Variants in CNKSR2 observed in about 807,000 individuals in gnomAD.
CNKSR2 encodes connector enhancer of kinase suppressor of Ras 2.
A neutral mutation model predicts 84.4 loss-of-function variants in CNKSR2; 14 were observed. The ratio of observed to expected loss-of-function variants is 0.17; its 90% confidence interval spans 0.11 to 0.26. The LOEUF is 0.26. Among genes scored for constraint, CNKSR2 ranks in the 10% least tolerant of loss-of-function variants. The probability of loss-of-function intolerance (pLI) is 1.00; values close to 1 mark genes in which losing one functional copy is unlikely to be tolerated. For synonymous variants in CNKSR2, 275 were observed against 277.9 expected, an observed-to-expected ratio of 0.99 and a Z score of 0.10; for missense variants, 485 against 771.2, an observed-to-expected ratio of 0.63 and a Z score of 4.40.
chrX:21,583,192 A>C (rs1329629690), intron 13 of CNKSR2, among the ~76,000 whole-genome samples: 6 of 111,613 alleles, frequency 5.4e-5, no homozygotes, highest in Non-Finnish European at 1.1e-4. Context: ...TCCCACTCTA[A>C]TGAAAGACCT....
intron 13 of CNKSR2, among the ~76,000 whole-genome samples, chrX:21,567,380 A>C (rs1224532588): frequency 8.9e-6 from 1 of 111,855 alleles, no homozygotes; most frequent in Non-Finnish European, 1.9e-5. Flanking sequence ...ATAAGCTCTC[A>C]ATAAAAATGT....
intron 19 of CNKSR2, among the ~76,000 whole-genome samples, chrX:21,608,467 T>C (rs938690177): frequency 8.9e-6 from 1 of 111,925 alleles, no homozygotes; most frequent in Admixed American, 9.5e-5. Context: ...TTATGTGCCC[T>C]GCAGTATCTA....
intron 13 of CNKSR2, 134 bp downstream of exon 13, chrX:21,563,586 C>T (rs1040887395): frequency 2.8e-5 from 13 of 460,018 alleles, no homozygotes; most frequent in Admixed American, 4.7e-5. Context: ...AAAGTTTATG[C>T]CCTTAAAAAA....
intron 10 of CNKSR2, 139 bp from the exon 11 acceptor site, chrX:21,531,717 G>T (rs112053228): frequency 1.6e-4 from 62 of 380,593 alleles, no homozygotes; most frequent in African/African-American, 8.6e-4. Context: ...ATTACAAATT[G>T]CCCTGTAAAT....
At chrX:21,424,106 C>A (rs1309871582) in intron 1 of CNKSR2, 1 of 111,345 alleles carries the variant, frequency 9.0e-6, no homozygotes, top group African/African-American at 3.3e-5. Flanking sequence ...TCTCACTGAG[C>A]TTTAATTTCT....
At chrX:21,559,699 G>A (rs776393161) in intron 11 of CNKSR2, among the ~76,000 whole-genome samples, 62 of 111,311 alleles carry the variant, frequency 5.6e-4, no homozygotes, top group African/African-American at 1.9e-3. Flanking sequence ...TTACTTCCTT[G>A]ACTACCTATC....
intron 1 of CNKSR2, among the ~76,000 whole-genome samples, chrX:21,411,759 A>G (rs2090349005): frequency 9.0e-6 from 1 of 111,115 alleles, no homozygotes; most frequent in Non-Finnish European, 1.9e-5. Flanking sequence ...CTGGAGCACC[A>G]TGCCAGGTAC....
chrX:21,500,417 A>G (rs967341606), intron 7 of CNKSR2, among the ~76,000 whole-genome samples: 2 of 111,386 alleles, frequency 1.8e-5, no homozygotes, highest in Non-Finnish European at 3.8e-5. Flanking sequence ...TACTTTGCAG[A>G]TTACATTACC....
At chrX:21,551,756 C>T (rs1344575331) in intron 11 of CNKSR2, among the ~76,000 whole-genome samples, 1 of 111,738 alleles carries the variant, frequency 8.9e-6, no homozygotes, top group Admixed American at 9.5e-5. Flanking sequence ...ATGATCTGGC[C>T]TGAAATGTCT....
chrX:21,504,140 G>T (rs1385119589), intron 8 of CNKSR2: 1 of 110,804 alleles, frequency 9.0e-6, no homozygotes, highest in African/African-American at 3.3e-5. Context: ...TTTTCTTGCT[G>T]TTGCCTGTAT....
chrX:21,616,470 A>C (rs2092577092), intron 20 of CNKSR2, among the ~76,000 whole-genome samples: 1 of 111,793 alleles, frequency 8.9e-6, no homozygotes. Context: ...AAATCAAAAC[A>C]TCGCAGAATT....
chrX:21,449,303 CAAAA>C (rs11308049), intron 4 of CNKSR2, among the ~76,000 whole-genome samples: 55 of 44,346 alleles, frequency 1.2e-3, no homozygotes, highest in Non-Finnish European at 2.1e-3. Context: ...GACTCCGTCT[CAAAA>C]AAAAAAAAAA....
chrX:21,374,481 A>G lies in CNKSR2; in HGVS notation c.-417A>G, dbSNP rs1474527327. 1 of 350,789 alleles carries G rather than the reference A, an allele frequency of 2.9e-6. No individual in the cohort carries two copies. The highest frequency in any genetic ancestry group is 2.7e-5 in the African/African-American group (1 of 37,247). 28.9% of individuals were successfully genotyped at this position (350,789 alleles called of 1,213,427 possible). A position where few individuals can be genotyped will look rare whatever the true frequency, so the allele number is the denominator to read the frequency against. On this transcript the variant is annotated 5_prime_UTR_variant, in exon 1 of 22. Transcript: ENST00000379510. ...ACTCCCGCGCGTGAGGCGAGCGGGC[A>G]AGTTGGCTGAGGGCGTGCGGCAGAG... is the stretch of plus-strand genomic sequence containing the variant.
intron 9 of CNKSR2, among the ~76,000 whole-genome samples, chrX:21,526,199 G>A (rs1457761612): frequency 1.8e-5 from 2 of 111,148 alleles, no homozygotes; most frequent in Admixed American, 1.9e-4. Flanking sequence ...ATAAATGTGT[G>A]TGCCTATGAA....
intron 18 of CNKSR2, among the ~76,000 whole-genome samples, chrX:21,604,470 A>T (rs921940922): frequency 9.0e-6 from 1 of 111,323 alleles, no homozygotes; most frequent in African/African-American, 3.3e-5. Flanking sequence ...TATAATAAAA[A>T]ATATATATAT....
At chrX:21,539,745 T>C (rs1420749966) in intron 11 of CNKSR2, among the ~76,000 whole-genome samples, 3 of 111,293 alleles carry the variant, frequency 2.7e-5, no homozygotes, top group Non-Finnish European at 5.7e-5. Flanking sequence ...TAGTGTAATC[T>C]CCATATGATA....
At chrX:21,598,337 A>G (rs906411681) in intron 17 of CNKSR2, among the ~76,000 whole-genome samples, 1 of 110,884 alleles carries the variant, frequency 9.0e-6, no homozygotes, top group Non-Finnish European at 1.9e-5. Context: ...GTCAGTACAC[A>G]TGTTCTTGTA....
At chrX:21,614,476 A>G (rs994631355) in intron 20 of CNKSR2, among the ~76,000 whole-genome samples, 1 of 111,936 alleles carries the variant, frequency 8.9e-6, no homozygotes, top group Non-Finnish European at 1.9e-5. Context: ...CACAGTGTGA[A>G]GAAAAAGACA....
At chrX:21,566,114 CT>C (rs1375578477) in intron 13 of CNKSR2, among the ~76,000 whole-genome samples, 1 of 111,597 alleles carries the variant, frequency 9.0e-6, no homozygotes, top group Non-Finnish European at 1.9e-5. Flanking sequence ...AAAGGCTTGA[CT>C]TGAAAAAACA....
Sources: gnomAD v4.1 joint callset for allele counts (sites outside exome capture counted in the v4.1 genomes callset) on GRCh38, gnomAD v4.1.1 for gene constraint, MANE v1.5 for transcripts, NCBI Gene and HGNC (gene_info 2026-07-23, HGNC 2026-07-21) for gene names.